MTMR7: variants seen among roughly 807,000 people sequenced by gnomAD.
The protein encoded by MTMR7 is myotubularin related protein 7.
A neutral mutation model predicts 81.2 loss-of-function variants in MTMR7; 76 were observed. That is an observed-to-expected ratio of 0.94 (90% CI 0.78 to 1.13). MTMR7 has a LOEUF of 1.13. Among genes scored for constraint, MTMR7 ranks in the 50% most tolerant of loss-of-function variants. MTMR7 has a pLI of 0.00. For synonymous variants in MTMR7, 372 were observed against 289.8 expected (o/e 1.28, Z -2.88); for missense variants, 1,044 against 820.0 (o/e 1.27, Z -3.34).
chr8:17,355,741 A>C (rs1819871607), intron 4 of MTMR7, among the ~76,000 whole-genome samples: 1 of 131,600 alleles, frequency 7.6e-6, no homozygotes. Flanking sequence ...AACTACAACA[A>C]GAAAACAACA....
intron 1 of MTMR7, among the ~76,000 whole-genome samples, chr8:17,385,023 C>A (rs557267316): frequency 2.0e-5 from 3 of 152,322 alleles, no homozygotes; most frequent in African/African-American, 7.2e-5. Flanking sequence ...GTGGGATGCA[C>A]ACACAGGGAT....
At chr8:17,396,111 C>A (rs1182527263) in intron 1 of MTMR7, among the ~76,000 whole-genome samples, 1 of 121,766 alleles carries the variant, frequency 8.2e-6, no homozygotes, top group African/African-American at 3.0e-5. Context: ...GCTGATCATA[C>A]CAACATACGG....
At chr8:17,362,146 TA>T (rs913002251) in intron 3 of MTMR7, among the ~76,000 whole-genome samples, 14 of 152,054 alleles carry the variant, frequency 9.2e-5, no homozygotes, top group African/African-American at 3.4e-4. Flanking sequence ...GTAGCCACAT[TA>T]AAAAAAAGTT....
At chr8:17,364,318 C>A (rs764855218) in intron 3 of MTMR7, among the ~76,000 whole-genome samples, 2 of 152,068 alleles carry the variant, frequency 1.3e-5, no homozygotes, top group Admixed American at 1.3e-4. Context: ...CAGGCGTGAG[C>A]CACCGCGCCC....
rs915981554 is a variant in MTMR7 at position 17,304,035 on chromosome 8, G to A, written c.1493+344C>T. ...ATTATTTTTGCTCCAACCTTAACAC[G>A]TCATGATCACTGTTGAAACTTGTGA... is the stretch of plus-strand genomic sequence containing the variant. On this transcript the variant is annotated intron_variant, in intron 12 of 13. Coordinates refer to ENST00000180173, the MANE Select transcript of MTMR7 (RefSeq NM_004686.5). Among the ~76,000 whole-genome samples, 11 of 152,188 alleles carry A rather than the reference G, an allele frequency of 7.2e-5. No individual in the cohort carries two copies. In the East Asian group the frequency reaches 7.7e-4, roughly 11 times the overall value.
chr8:17,348,887 GA>G, intron 5 of MTMR7, 65 bp downstream of exon 5: 1 of 1,591,602 alleles, frequency 6.3e-7, no homozygotes, highest in Non-Finnish European at 8.6e-7. Context: ...AAGGCAGCTA[GA>G]AAATGCCTGC....
chr8:17,403,336 C>CT, intron 1 of MTMR7, among the ~76,000 whole-genome samples: 1 of 152,288 alleles, frequency 6.6e-6, no homozygotes, highest in South Asian at 2.1e-4. Context: ...AAGAGACTGT[C>CT]TTTTTCCCAA....
At chr8:17,368,520 C>G (rs1013581721) in intron 3 of MTMR7, among the ~76,000 whole-genome samples, 1 of 152,202 alleles carries the variant, frequency 6.6e-6, no homozygotes, top group Admixed American at 6.5e-5. Context: ...TGGACGGTGT[C>G]TTTTATAAAA....
intron 3 of MTMR7, among the ~76,000 whole-genome samples, chr8:17,369,799 C>T (rs968648337): frequency 6.6e-6 from 1 of 151,912 alleles, no homozygotes; most frequent in African/African-American, 2.4e-5. Context: ...GCGCACACTG[C>T]CACGCCCAGC....
chr8:17,318,789 G>GC (rs1563328517), intron 7 of MTMR7, among the ~76,000 whole-genome samples: 1 of 152,206 alleles, frequency 6.6e-6, no homozygotes, highest in African/African-American at 2.4e-5. Flanking sequence ...CCAGTTCTGT[G>GC]CCCCCCAGGG....
chr8:17,338,853 T>A (rs1819326893), intron 6 of MTMR7: 1 of 152,184 alleles, frequency 6.6e-6, no homozygotes, highest in Non-Finnish European at 1.5e-5. Flanking sequence ...ATCGGTTTCA[T>A]CACTGATCTC....
chr8:17,383,840 C>T (rs1820839044), intron 1 of MTMR7, among the ~76,000 whole-genome samples: 1 of 152,082 alleles, frequency 6.6e-6, no homozygotes, highest in African/African-American at 2.4e-5. Flanking sequence ...CAGCATGTTT[C>T]AAATCGAAAG....
chr8:17,360,828 C>A (rs1295619802), intron 4 of MTMR7, among the ~76,000 whole-genome samples: 2 of 152,112 alleles, frequency 1.3e-5, no homozygotes, highest in Non-Finnish European at 2.9e-5. Flanking sequence ...GGCCAGCTCT[C>A]CCACCAACTG....
In MTMR7 at chr8:17,400,648, C is replaced by G. The variant is rs10087359; in HGVS notation, c.24+12621G>C. Reference sequence around the variant, plus strand: ...ACCTCAGTACTGTTTTGATTTAGACCGGTTTAAAGATGGATTCTTATCTAA... The same window carrying G: ...ACCTCAGTACTGTTTTGATTTAGACGGGTTTAAAGATGGATTCTTATCTAA... On this transcript the variant is annotated intron_variant, in intron 1 of 13. Transcript: ENST00000180173. Among the ~76,000 whole-genome samples, 920 of 152,146 alleles carry G rather than the reference C, an allele frequency of 6.0e-3. 13 individuals carry two copies. The highest frequency in any genetic ancestry group is 0.022 in the African/African-American group (893 of 41,492).
At chr8:17,306,014 C>A in intron 10 of MTMR7, 57 bp from the exon 11 acceptor site, 4 of 1,415,754 alleles carry the variant, frequency 2.8e-6, no homozygotes, top group Non-Finnish European at 2.9e-6. Flanking sequence ...AAGTACAAAG[C>A]CATAAATGCA....
chr8:17,355,087 T>A (rs1334727066), intron 4 of MTMR7, among the ~76,000 whole-genome samples: 1 of 152,142 alleles, frequency 6.6e-6, no homozygotes, highest in Admixed American at 6.6e-5. Flanking sequence ...ATGCGCTAAT[T>A]CTAGAAGGAA....
Position 17,299,970 on chromosome 8 carries a change from G to A in MTMR7, c.1875C>T (p.Ser625=), listed in dbSNP as rs146319076. 13 of 1,613,882 alleles carry A rather than the reference G, an allele frequency of 8.1e-6. 1 individual carries two copies. The highest frequency in any genetic ancestry group is 7.7e-5 in the South Asian group (7 of 91,074). ...ACCGACAGCTCAAATCCTCCACCCC[G>A]GACTCTTGGTCACTGTTGGCTGACA... is the stretch of plus-strand genomic sequence containing the variant. The part of the protein sequence containing the change: ...PDLSANSDQE[S]GVEDLSCRSP... The change falls in exon 14 of 14, where the codon TCC becomes TCT. Residue 625 remains serine (S), a synonymous_variant. Coordinates refer to ENST00000180173, the MANE Select transcript of MTMR7 (RefSeq NM_004686.5).
Position 17,361,212 on chromosome 8 carries a change from G to T in MTMR7, c.373C>A (p.Gln125Lys), listed in dbSNP as rs1563357714. Residue 125 changes from glutamine (Q) to lysine (K), a missense_variant, in exon 4 of 14, where the codon CAA becomes AAA. Transcript: ENST00000180173. ...NPMLDKEERE[Q>K]GWVLIDLSEE... Reference sequence around the variant, plus strand: ...CTAAGATCGATCAGCACCCAGCCTTGCTCTCTTTCTTCTTTATCCAGCATG... The same window carrying T: ...CTAAGATCGATCAGCACCCAGCCTTTCTCTCTTTCTTCTTTATCCAGCATG... 1 of 1,614,080 alleles carries T rather than the reference G, an allele frequency of 6.2e-7. No individual in the cohort carries two copies. Among genetic ancestry groups the T allele is most frequent in the East Asian group, 2.2e-5 (1 of 44,878 alleles).
At chr8:17,314,651 T>C (rs552010705) in intron 7 of MTMR7, among the ~76,000 whole-genome samples, 14 of 152,298 alleles carry the variant, frequency 9.2e-5, no homozygotes, top group Admixed American at 7.8e-4. Flanking sequence ...TTCTGAGTCA[T>C]AGATGACAAC....
Sources: gnomAD v4.1 joint callset for allele counts (sites outside exome capture counted in the v4.1 genomes callset) on GRCh38, gnomAD v4.1.1 for gene constraint, MANE v1.5 for transcripts, NCBI Gene and HGNC (gene_info 2026-07-23, HGNC 2026-07-21) for gene names.